The following SLC19A3 variants were observed in gnomAD, a reference collection of about 807,000 sequenced individuals.
The protein encoded by SLC19A3 is solute carrier family 19 member 3.
In SLC19A3, 31 loss-of-function variants were observed where a neutral mutation model predicts 40.2. The ratio of observed to expected loss-of-function variants is 0.77; its 90% CI spans 0.58 to 1.04. SLC19A3 has a LOEUF of 1.04. Ranked by LOEUF, SLC19A3 falls within the 50% of genes least tolerant of loss-of-function variation. The pLI is 0.00. For synonymous variants in SLC19A3, 212 were observed against 227.5 expected (o/e 0.93, Z 0.61); for missense variants, 592 against 596.7 (o/e 0.99, Z 0.08).
chr2:227,710,579 G>C (rs945809375), intron 1 of SLC19A3, among the ~76,000 whole-genome samples: 2 of 151,922 alleles, frequency 1.3e-5, no homozygotes, highest in Non-Finnish European at 2.9e-5. Context: ...GGGCAACATA[G>C]AGACCCCATC....
chr2:227,685,985 T>C lies in SLC19A3; in HGVS notation c.*1412A>G. ...GCCGAGGCAGACAGATCACCTGAAG[T>C]CAGGAGTTTGAGACCAGCCTGGCCA... On this transcript the variant is annotated 3_prime_UTR_variant, in exon 6 of 6. Coordinates refer to ENST00000644224, the MANE Select transcript of SLC19A3 (RefSeq NM_025243.4). 4.3e-6 allele frequency: 1 copy of C among 232,770 alleles called. No individual in the cohort carries two copies. Among genetic ancestry groups the C allele is most frequent in the Non-Finnish European group, 9.0e-6 (1 of 111,450 alleles). 14.4% of individuals were successfully genotyped at this position (232,770 alleles called of 1,614,324 possible).
intron 4 of SLC19A3, among the ~76,000 whole-genome samples, chr2:227,692,501 T>G (rs571337974): frequency 6.6e-6 from 1 of 152,306 alleles, no homozygotes; most frequent in East Asian, 1.9e-4. Flanking sequence ...CAATTCAACA[T>G]TCCTTCTGGC....
chr2:227,711,956 A>T (rs943534223), intron 1 of SLC19A3, among the ~76,000 whole-genome samples: 1 of 148,340 alleles, frequency 6.7e-6, no homozygotes, highest in South Asian at 2.2e-4. Context: ...AGGCTGAGGT[A>T]GAAGAATCGC....
At position 227,696,042 on chromosome 2, in the gene SLC19A3, T is replaced by G. The variant is rs1695423219; in HGVS notation, c.1019A>C (p.Asn340Thr). The change falls in exon 4 of 6, where the codon AAC becomes ACC. Residue 340 changes from asparagine to threonine, a missense_variant. By Grantham distance (65) the Asn-to-Thr change is moderately conservative. Coordinates refer to ENST00000644224, the MANE Select transcript of SLC19A3 (RefSeq NM_025243.4). ...AGCCAGCTCTCCCAGAAGGTCCCAG[T>G]TGACTTTCACATAACCCACTGCAAA... ...AAFAVGYVKV[N>T]WDLLGELALV... The G allele has an allele frequency of 6.2e-7, 1 of 1,613,662 alleles. No homozygotes were observed. Among genetic ancestry groups the G allele is most frequent in the African/African-American group, 1.3e-5 (1 of 74,748 alleles).
chr2:227,696,094 A>T lies in SLC19A3; in HGVS notation c.980-13T>A. 1.2e-6 allele frequency: 2 copies of T among 1,612,090 alleles called. No homozygotes were observed. The highest frequency in any genetic ancestry group is 1.7e-6 in the Non-Finnish European group (2 of 1,178,882). ...GCAGCCACAGCCCCTGAAAAAAAAC[A>T]TTGAAGGCAATCAAACATAATGACT... On this transcript the variant is annotated splice_polypyrimidine_tract_variant and intron_variant, in intron 3 of 5. Coordinates refer to ENST00000644224, the MANE Select transcript of SLC19A3 (RefSeq NM_025243.4).
chr2:227,697,175 T>C (rs1338674433), intron 3 of SLC19A3, among the ~76,000 whole-genome samples: 1 of 152,068 alleles, frequency 6.6e-6, no homozygotes, highest in Non-Finnish European at 1.5e-5. Context: ...TAACTATTTT[T>C]CCCCCCATGG....
chr2:227,710,617 G>T (rs866380809), intron 1 of SLC19A3, among the ~76,000 whole-genome samples: 5 of 152,024 alleles, frequency 3.3e-5, no homozygotes, highest in African/African-American at 1.2e-4. Context: ...AAAGAAAAAC[G>T]AATCTTACAG....
At chr2:227,717,827 C>A in intron 1 of SLC19A3, 116 bp downstream of exon 1, 1 of 827,830 alleles carries the variant, frequency 1.2e-6, no homozygotes, top group Non-Finnish European at 1.5e-6. Flanking sequence ...AGCCCAGGCC[C>A]GCAGAGCCAG....
At chr2:227,715,283 A>G (rs995346596) in intron 1 of SLC19A3, among the ~76,000 whole-genome samples, 2 of 152,230 alleles carry the variant, frequency 1.3e-5, no homozygotes, top group Non-Finnish European at 2.9e-5. Context: ...GCTGAAATAA[A>G]GCATGCCACA....
chr2:227,711,312 TG>T (rs1400057468), intron 1 of SLC19A3, among the ~76,000 whole-genome samples: 1 of 151,706 alleles, frequency 6.6e-6, no homozygotes, highest in Non-Finnish European at 1.5e-5. Context: ...CCCAGCTACT[TG>T]GGAGGCTGAG....
chr2:227,698,587 C>T (rs1437776955), intron 3 of SLC19A3, 149 bp downstream of exon 3: 5 of 768,678 alleles, frequency 6.5e-6, no homozygotes, highest in Middle Eastern at 3.5e-4. Context: ...GCATAAGCCA[C>T]CATGCCCGGC....
At chr2:227,693,526 ATATCCG>A (rs1266230108) in intron 4 of SLC19A3, among the ~76,000 whole-genome samples, 2 of 152,202 alleles carry the variant, frequency 1.3e-5, no homozygotes, top group African/African-American at 4.8e-5. Flanking sequence ...GGAAAACTGA[ATATCCG>A]TATGCAGAAG....
intron 4 of SLC19A3, among the ~76,000 whole-genome samples, chr2:227,692,606 A>G (rs1327799414): frequency 6.6e-6 from 1 of 150,444 alleles, no homozygotes; most frequent in African/African-American, 2.4e-5. Flanking sequence ...ATTGAATGGG[A>G]AAAAGCTGAA....
chr2:227,700,002 T>C (rs112560852), intron 2 of SLC19A3, among the ~76,000 whole-genome samples: 11,837 of 151,788 alleles, frequency 0.078, 1,305 homozygotes, highest in African/African-American at 0.25. Flanking sequence ...CTCAGCCTCC[T>C]GAGTAGCTGG....
Position 227,687,301 on chromosome 2 carries a change from A to G in SLC19A3, c.*96T>C. The G allele has an allele frequency of 2.3e-6, 3 of 1,288,058 alleles. No individual in the cohort carries two copies. In the East Asian group the frequency reaches 7.0e-5, roughly 30 times the overall value. The allele number at this position is 1,288,058 out of a possible 1,614,324, so 79.8% of individuals were successfully genotyped here. A position where few individuals can be genotyped will look rare whatever the true frequency, so the allele number is the denominator to read the frequency against. On this transcript the variant is annotated 3_prime_UTR_variant, in exon 6 of 6. Transcript: ENST00000644224. Reference sequence around the variant, plus strand: ...CCATTGGAATCCAGATTTGCAAAGCATGTCAAGTTATGGCAAAACATATGC... The same window carrying G: ...CCATTGGAATCCAGATTTGCAAAGCGTGTCAAGTTATGGCAAAACATATGC...
chr2:227,696,869 C>A (rs1462621173), intron 3 of SLC19A3, among the ~76,000 whole-genome samples: 1 of 152,038 alleles, frequency 6.6e-6, no homozygotes, highest in Non-Finnish European at 1.5e-5. Context: ...AGTTAGAGAC[C>A]AGCCTGGCCA....
intron 1 of SLC19A3, chr2:227,706,254 C>T (rs2106337149): frequency 1.7e-6 from 2 of 1,194,896 alleles, no homozygotes; most frequent in African/African-American, 1.6e-5. Context: ...TCTAAACGTC[C>T]CTTTGCTTCC....
chr2:227,711,376 T>A (rs2106341682), intron 1 of SLC19A3, among the ~76,000 whole-genome samples: 1 of 151,192 alleles, frequency 6.6e-6, no homozygotes, highest in East Asian at 2.0e-4. Context: ...GCCAAGATAG[T>A]GCCACTGCAT....
intron 4 of SLC19A3, 102 bp from the exon 5 acceptor site, chr2:227,688,409 T>C: frequency 9.8e-7 from 1 of 1,024,238 alleles, no homozygotes; most frequent in Non-Finnish European, 1.5e-6. Context: ...GTCACCCACC[T>C]CCAGCTCCAG....
Sources: allele counts gnomAD v4.1 joint callset (sites outside exome capture counted in the v4.1 genomes callset), GRCh38; gene constraint gnomAD v4.1.1; transcripts MANE v1.5; gene names NCBI Gene and HGNC (gene_info 2026-07-23, HGNC 2026-07-21).